CACNA1H: variants seen among roughly 807,000 people sequenced by gnomAD.
The protein encoded by CACNA1H is calcium voltage-gated channel subunit alpha1 H.
Under a neutral mutation model 192.5 loss-of-function variants are expected in CACNA1H, and 149 were observed. The ratio of observed to expected loss-of-function variants is 0.77; its 90% CI spans 0.68 to 0.89. CACNA1H has a LOEUF of 0.89. CACNA1H is among the 40% of genes least tolerant of loss of function. The pLI, the probability that CACNA1H is intolerant of heterozygous loss-of-function variation, is 0.00. For missense variants in CACNA1H, 4,257 were observed against 3,423.5 expected (o/e 1.24, Z -6.08); for synonymous variants, 2,202 against 1,475.2 (o/e 1.49, Z -11.29).
At chr16:1,158,820 A>G (rs921980720) in intron 2 of CACNA1H, among the ~76,000 whole-genome samples, 5 of 148,154 alleles carry the variant, frequency 3.4e-5, no homozygotes, top group African/African-American at 1.3e-4. Flanking sequence ...GCAGGGCGCC[A>G]CTCAGCCCGC....
chr16:1,210,440 C>G lies in CACNA1H; in HGVS notation c.3916C>G (p.Leu1306Val), dbSNP rs751450496. 15 of 1,605,442 alleles carry G rather than the reference C, an allele frequency of 9.3e-6. No homozygotes were observed. The highest frequency in any genetic ancestry group is 1.3e-5 in the Non-Finnish European group (15 of 1,175,912). Residue 1306 changes from leucine (L) to valine (V), a missense_variant, in exon 19 of 35, where the codon CTC becomes GTC. Transcript: ENST00000348261. ...FDHVVLVFIF[L>V]NCVTIALERP... Reference sequence around the variant, plus strand: ...TCACGTGGTCCTCGTCTTCATCTTCCTCAACTGCGTCACCATCGCCCTGGA... The same window carrying G: ...TCACGTGGTCCTCGTCTTCATCTTCGTCAACTGCGTCACCATCGCCCTGGA...
intron 2 of CACNA1H, among the ~76,000 whole-genome samples, chr16:1,177,587 G>A (rs1298398180): frequency 6.6e-6 from 1 of 152,128 alleles, no homozygotes; most frequent in African/African-American, 2.4e-5. Context: ...GGACAGGCTT[G>A]GGAGGGGGCG....
At chr16:1,197,284 G>C (rs372544838) in intron 5 of CACNA1H, among the ~76,000 whole-genome samples, 1 of 152,216 alleles carries the variant, frequency 6.6e-6, no homozygotes, top group Admixed American at 6.5e-5. Context: ...CTGAGCGTGC[G>C]GTGAGGGGAC....
At chr16:1,209,977 T>C in intron 17 of CACNA1H, 58 bp from the exon 18 acceptor site, 3 of 1,341,538 alleles carry the variant, frequency 2.2e-6, no homozygotes, top group Non-Finnish European at 3.1e-6. Flanking sequence ...CAGAGGGCCC[T>C]GATGGGGGGC....
chr16:1,169,966 T>C (rs1596315648), intron 2 of CACNA1H, among the ~76,000 whole-genome samples: 1 of 152,140 alleles, frequency 6.6e-6, no homozygotes, highest in Non-Finnish European at 1.5e-5. Flanking sequence ...TGCCCACGGG[T>C]CGGGATCAAG....
chr16:1,167,522 C>G lies in CACNA1H; in HGVS notation c.299+13486C>G, dbSNP rs770662914. 6.6e-6 allele frequency among the ~76,000 whole-genome samples: 1 copy of G among 152,158 alleles called. No homozygotes were observed. Among genetic ancestry groups the G allele is most frequent in the African/African-American group, 2.4e-5 (1 of 41,438 alleles). ...ATGGGAACCTGTTGCTAATGAATCT[C>G]TGGGGTTTCCTGTTACCTTTGCCAA... On this transcript the variant is annotated intron_variant, in intron 2 of 34. Coordinates refer to ENST00000348261, the MANE Select transcript of CACNA1H (RefSeq NM_021098.3). This position sits in a 1 kb window ranked among gnomAD's most constrained non-coding sequence, Gnocchi z 4.2.
At chr16:1,154,222 T>A (rs1961981984) in intron 2 of CACNA1H, among the ~76,000 whole-genome samples, 186 bp downstream of exon 2, 1 of 150,692 alleles carries the variant, frequency 6.6e-6, no homozygotes, top group Admixed American at 6.6e-5. Flanking sequence ...AGTGGCGGGC[T>A]TGGGGGGCCA....
At chr16:1,195,667 C>T (rs922681307) in intron 4 of CACNA1H, 102 bp downstream of exon 4, 4 of 1,347,438 alleles carry the variant, frequency 3.0e-6, no homozygotes, top group Non-Finnish European at 4.1e-6. Flanking sequence ...GAGGTGTGTT[C>T]TAGAGGGATC....
At chr16:1,217,773 C>G in intron 31 of CACNA1H, 146 bp from the exon 32 acceptor site, 1 of 1,096,224 alleles carries the variant, frequency 9.1e-7, no homozygotes, top group Non-Finnish European at 1.3e-6. Flanking sequence ...CTCTGCCAGG[C>G]AGGGCGAACC....
Position 1,218,590 on chromosome 16 carries a change from G to A in CACNA1H, c.5826G>A (p.Ala1942=), listed in dbSNP as rs750936189. The change falls in exon 33 of 35, where the codon GCG becomes GCA. Residue 1942 remains alanine (A), a synonymous_variant. Transcript: ENST00000348261. ...TCAGGCCCGTGGTGCCTGCCTCGGCGCCCCACCCCCGCCCGCTGCAGGAGG... is the reference window on the plus strand; with the variant it reads ...TCAGGCCCGTGGTGCCTGCCTCGGCACCCCACCCCCGCCCGCTGCAGGAGG... The part of the protein sequence containing the change: ...YMFRPVVPAS[A]PHPRPLQEVE... 30 of 1,565,770 alleles carry A rather than the reference G, an allele frequency of 1.9e-5. No individual in the cohort carries two copies. Among genetic ancestry groups the A allele is most frequent in the Non-Finnish European group, 2.4e-5 (28 of 1,155,518 alleles).
At chr16:1,205,386 A>T (rs765590605) in intron 11 of CACNA1H, 121 bp downstream of exon 11, 141 of 1,119,772 alleles carry the variant, frequency 1.3e-4, no homozygotes, top group Non-Finnish European at 1.7e-4. Context: ...TCTTTATGAC[A>T]GGCCGTGGGA....
chr16:1,212,263 G>A, intron 25 of CACNA1H, 125 bp downstream of exon 25: 4 of 1,371,520 alleles, frequency 2.9e-6, no homozygotes, highest in Middle Eastern at 2.6e-4. Flanking sequence ...CCTTGCCTGG[G>A]CCTGCATGGG....
intron 2 of CACNA1H, among the ~76,000 whole-genome samples, chr16:1,168,651 G>A (rs1020079470): frequency 1.3e-5 from 2 of 152,058 alleles, no homozygotes; most frequent in African/African-American, 2.4e-5. Context: ...CATCGTGCTC[G>A]GCCGAGTTGG....
intron 21 of CACNA1H, 71 bp downstream of exon 21, chr16:1,211,042 C>T: frequency 2.6e-6 from 4 of 1,556,342 alleles, no homozygotes; most frequent in East Asian, 2.3e-5. Context: ...CCCATTACTC[C>T]TCCCGCAGTC....
chr16:1,210,348 TCACCCGCCCC>T lies in CACNA1H; in HGVS notation c.3846-20_3846-11del. 3.6e-6 allele frequency: 1 copy of T among 277,474 alleles called. No individual in the cohort carries two copies. The highest frequency in any genetic ancestry group is 6.3e-6 in the Non-Finnish European group (1 of 158,978). 17.2% of individuals were successfully genotyped at this position (277,474 alleles called of 1,614,324 possible). ...CATCCACGCCGCCCCGCCCCACCTC[TCACCCGCCCC>T]CGCCCACCCAGGTTCCGCGTCTCCT... On this transcript the variant is annotated splice_polypyrimidine_tract_variant and intron_variant, in intron 18 of 34. Transcript: ENST00000348261.
intron 31 of CACNA1H, 122 bp from the exon 32 acceptor site, chr16:1,217,797 C>T (rs1970153155): frequency 1.5e-6 from 2 of 1,316,470 alleles, no homozygotes; most frequent in South Asian, 1.6e-5. Context: ...AGGGCCTCGT[C>T]ATCCACATCC....
Position 1,221,083 on chromosome 16 carries a change from T to G in CACNA1H, c.*89T>G, listed in dbSNP as rs1970450079. The G allele has an allele frequency of 3.0e-6, 3 of 1,013,008 alleles. No individual in the cohort carries two copies. The South Asian group carries it at 5.2e-5, about 17-fold the overall frequency. 62.8% of individuals were successfully genotyped at this position (1,013,008 alleles called of 1,614,324 possible). On this transcript the variant is annotated 3_prime_UTR_variant, in exon 35 of 35. Transcript: ENST00000348261. ...CCCAGGCAGAACCCTGCATGGACCC[T>G]GACTTGGGTCCCGTCGTGAGCAGAA...
Position 1,200,250 on chromosome 16 carries a change from C to G in CACNA1H, c.804-6C>G. ...ACCTTTTGGCCCTGGCTGTGCCCAT[C>G]CCCAGGAACAACAACCTGACCTTCC... On this transcript the variant is annotated splice_region_variant and splice_polypyrimidine_tract_variant and intron_variant, in intron 6 of 34. Transcript: ENST00000348261. The G allele has an allele frequency of 2.5e-6, 4 of 1,590,222 alleles. No homozygotes were observed. Among genetic ancestry groups the G allele is most frequent in the Non-Finnish European group, 3.4e-6 (4 of 1,167,308 alleles).
intron 2 of CACNA1H, among the ~76,000 whole-genome samples, chr16:1,186,102 C>A (rs1320924152): frequency 1.5e-5 from 1 of 68,812 alleles, no homozygotes; most frequent in Non-Finnish European, 2.6e-5. Context: ...GGTGAGTAGA[C>A]GGCGTGCGTA....
Sources: gnomAD v4.1 joint callset for allele counts (sites outside exome capture counted in the v4.1 genomes callset) on GRCh38, gnomAD v4.1.1 for gene constraint, Gnocchi (gnomAD v3.1) non-coding constraint, MANE v1.5 for transcripts, NCBI Gene and HGNC (gene_info 2026-07-23, HGNC 2026-07-21) for gene names.